Variants in ANKRD6 observed in about 807,000 individuals in gnomAD.
ANKRD6 encodes ankyrin repeat domain-containing protein 6.
ANKRD6 carries 56 observed loss-of-function variants against 82.3 expected under a neutral mutation model. That is an observed-to-expected ratio of 0.68 (90% confidence interval 0.55 to 0.85). The LOEUF (loss-of-function observed/expected upper bound fraction) is 0.85. Among genes scored for constraint, ANKRD6 ranks in the 40% least tolerant of loss-of-function variants. The probability of loss-of-function intolerance (pLI) is 0.00; values close to 1 mark genes in which losing one functional copy is unlikely to be tolerated. For missense variants in ANKRD6, 852 were observed against 907.6 expected, an observed-to-expected ratio of 0.94 and a Z score of 0.79; for synonymous variants, 347 against 352.1, an observed-to-expected ratio of 0.99 and a Z score of 0.16.
At chr6:89,592,551 G>T (rs750493523) in intron 2 of ANKRD6, among the ~76,000 whole-genome samples, 4 of 152,156 alleles carry the variant, frequency 2.6e-5, no homozygotes, top group Non-Finnish European at 4.4e-5. Context: ...TTAGAAAGGT[G>T]CCTCCAATCC....
At chr6:89,511,949 A>T (rs79394310) in intron 1 of ANKRD6, among the ~76,000 whole-genome samples, 6,947 of 150,520 alleles carry the variant, frequency 0.046, 224 homozygotes, top group Non-Finnish European at 0.067. Context: ...CATTAAAAAA[A>T]TTTTTTTTTT....
In ANKRD6 at chr6:89,603,619, C is replaced by A. The variant is rs551163617; in HGVS notation, c.318+492C>A. Among the ~76,000 whole-genome samples, 232 of 152,096 alleles carry A rather than the reference C, an allele frequency of 1.5e-3. 1 individual carries two copies. Among genetic ancestry groups the A allele is most frequent in the Non-Finnish European group, 2.3e-3 (159 of 68,026 alleles). On this transcript the variant is annotated intron_variant, in intron 4 of 15. Transcript: ENST00000339746. ...GGTCGGGGGGGTAAGGGATGTGCCC[C>A]AGACTTTCTCTTTACTTTCTTAGAT...
chr6:89,480,750 C>T (rs1028780158), intron 1 of ANKRD6, among the ~76,000 whole-genome samples: 1 of 150,686 alleles, frequency 6.6e-6, no homozygotes, highest in African/African-American at 2.4e-5. Context: ...CCAGTCTGGG[C>T]AACATAGTGA....
intron 1 of ANKRD6, among the ~76,000 whole-genome samples, chr6:89,483,124 A>T (rs1378578518): frequency 1.3e-5 from 2 of 152,080 alleles, no homozygotes; most frequent in African/African-American, 4.8e-5. Context: ...TGGAATTCTG[A>T]TTCTGTCCAG....
chr6:89,493,094 G>A lies in ANKRD6; in HGVS notation c.-144+59719G>A, dbSNP rs952640754. Among the ~76,000 whole-genome samples the A allele has an allele frequency of 2.6e-5, 4 of 152,172 alleles. No individual in the cohort carries two copies. In the South Asian group the frequency reaches 6.2e-4, roughly 24 times the overall value. ...CATAACCCTTCAGCTGGCTGCAGAC[G>A]TAGACTCACACTTCAGTCCTCACAT... On this transcript the variant is annotated intron_variant, in intron 1 of 15. Transcript: ENST00000339746.
chr6:89,488,619 G>A (rs189150749), intron 1 of ANKRD6, among the ~76,000 whole-genome samples: 1 of 152,236 alleles, frequency 6.6e-6, no homozygotes, highest in Non-Finnish European at 1.5e-5. Context: ...GCTATGCTTA[G>A]TAAAGGCTGA....
At chr6:89,598,532 C>T (rs972904742) in intron 3 of ANKRD6, 3 of 465,466 alleles carry the variant, frequency 6.4e-6, no homozygotes, top group Non-Finnish European at 8.5e-6. Flanking sequence ...GCGCACACTG[C>T]ACCCTTGCAT....
intron 3 of ANKRD6, among the ~76,000 whole-genome samples, chr6:89,600,287 G>C (rs1796827672): frequency 6.6e-6 from 1 of 152,148 alleles, no homozygotes; most frequent in Non-Finnish European, 1.5e-5. Flanking sequence ...TCATAATTTA[G>C]AGGGCAGCTT....
chr6:89,458,823 A>G lies in ANKRD6; in HGVS notation c.-144+25448A>G, dbSNP rs114151549. 6.8e-3 allele frequency among the ~76,000 whole-genome samples: 1,030 copies of G among 152,300 alleles called. 23 individuals are homozygous for G. The highest frequency in any genetic ancestry group is 0.023 in the African/African-American group (972 of 41,564). On this transcript the variant is annotated intron_variant, in intron 1 of 15. Transcript: ENST00000339746. ...TTCGATCCAATAAGGTTGACACTCA[A>G]TATTAACCATCACAGTGTGAAATTC...
chr6:89,625,293 A>C (rs895479632), intron 13 of ANKRD6, among the ~76,000 whole-genome samples: 1 of 152,182 alleles, frequency 6.6e-6, no homozygotes, highest in African/African-American at 2.4e-5. Context: ...GAAAAAAAAA[A>C]AAATTAGAGT....
chr6:89,515,649 C>G (rs1350847536), intron 1 of ANKRD6, among the ~76,000 whole-genome samples: 1 of 152,210 alleles, frequency 6.6e-6, no homozygotes, highest in African/African-American at 2.4e-5. Context: ...GAAGGTGCCT[C>G]TCCTGGATTA....
chr6:89,554,762 A>G (rs1786338746), intron 1 of ANKRD6, among the ~76,000 whole-genome samples: 1 of 152,188 alleles, frequency 6.6e-6, no homozygotes, highest in African/African-American at 2.4e-5. Context: ...GAGAGGAAAG[A>G]CATTGTACAC....
intron 2 of ANKRD6, among the ~76,000 whole-genome samples, chr6:89,594,167 A>G (rs960439277): frequency 4.6e-5 from 7 of 152,246 alleles, no homozygotes; most frequent in African/African-American, 1.4e-4. Flanking sequence ...GTTGAAAACT[A>G]TTAGGCCAGG....
intron 2 of ANKRD6, among the ~76,000 whole-genome samples, chr6:89,582,489 C>G (rs1037752213): frequency 6.6e-6 from 1 of 152,202 alleles, no homozygotes; most frequent in Non-Finnish European, 1.5e-5. Context: ...CCATGCCCAG[C>G]CCCGTCTTAA....
intron 1 of ANKRD6, among the ~76,000 whole-genome samples, chr6:89,555,620 T>A (rs1485058104): frequency 5.9e-5 from 9 of 152,050 alleles, no homozygotes; most frequent in Non-Finnish European, 2.9e-5. Context: ...AGAAGGAGTT[T>A]GGACAAGATT....
intron 9 of ANKRD6, among the ~76,000 whole-genome samples, chr6:89,618,719 T>C (rs1802249299): frequency 6.6e-6 from 1 of 152,242 alleles, no homozygotes; most frequent in Non-Finnish European, 1.5e-5. Context: ...ATAATTGTGC[T>C]TACAATGTAT....
chr6:89,465,189 G>C (rs1366089489), intron 1 of ANKRD6, among the ~76,000 whole-genome samples: 1 of 149,104 alleles, frequency 6.7e-6, no homozygotes, highest in African/African-American at 2.5e-5. Context: ...GAGCAATCTC[G>C]GCTCACAGCA....
At chr6:89,462,534 A>G (rs1225481174) in intron 1 of ANKRD6, among the ~76,000 whole-genome samples, 1 of 152,134 alleles carries the variant, frequency 6.6e-6, no homozygotes, top group East Asian at 1.9e-4. Context: ...CCTAACACAT[A>G]TAGGACATAT....
intron 1 of ANKRD6, among the ~76,000 whole-genome samples, chr6:89,517,809 G>A (rs1467729452): frequency 6.6e-6 from 1 of 152,180 alleles, no homozygotes; most frequent in East Asian, 1.9e-4. Flanking sequence ...TTCCTAAGGG[G>A]GGGACTATGA....
Sources: gnomAD v4.1 joint callset for allele counts (sites outside exome capture counted in the v4.1 genomes callset) on GRCh38, gnomAD v4.1.1 for gene constraint, MANE v1.5 for transcripts, NCBI Gene and HGNC (gene_info 2026-07-23, HGNC 2026-07-21) for gene names.